Variants in ARHGAP17 observed in about 807,000 individuals in gnomAD.
The protein encoded by ARHGAP17 is Rho GTPase activating protein 17, also known as rho GTPase-activating protein 17.
In ARHGAP17, 57 loss-of-function variants were observed where a neutral mutation model predicts 99.5. The observed-to-expected ratio is 0.57, with a 90% CI of 0.46 to 0.71. The LOEUF is 0.71. Among genes scored for constraint, ARHGAP17 ranks in the 30% least tolerant of loss-of-function variants. ARHGAP17 has a pLI of 0.00. For missense variants in ARHGAP17, 1,000 were observed against 1,122.4 expected (o/e 0.89, Z 1.56); for synonymous variants, 417 against 429.6 (o/e 0.97, Z 0.36).
intron 3 of ARHGAP17, among the ~76,000 whole-genome samples, chr16:24,973,035 C>T (rs1212025830): frequency 6.6e-6 from 1 of 151,792 alleles, no homozygotes; most frequent in African/African-American, 2.4e-5. Flanking sequence ...GGGGTTTTGC[C>T]ATGTTGCACA....
Position 24,935,581 on chromosome 16 carries a change from T to G in ARHGAP17, c.1783A>C (p.Ser595Arg). The part of the protein sequence containing the change: ...AAVPAPGRNN[S>R]QIASGQNQPQ... ...TGATTTTGGCCAGATGCTATCTGAC[T>G]GTTGTTTCTCCCTGGTGCTGGCACA... The change falls in exon 18 of 20, where the codon AGT (serine) becomes CGT (arginine). Residue 595 changes from serine to arginine, a missense_variant. This residue lies in a region of ARHGAP17 where 528 missense variants were observed against 511.4 expected (regional missense o/e 1.03). Coordinates refer to ENST00000289968, the MANE Select transcript of ARHGAP17 (RefSeq NM_001006634.3). The G allele has an allele frequency of 1.2e-6, 2 of 1,614,152 alleles. No homozygotes were observed. Among genetic ancestry groups the G allele is most frequent in the Non-Finnish European group, 8.5e-7 (1 of 1,180,042 alleles).
intron 10 of ARHGAP17, 49 bp downstream of exon 10, chr16:24,954,551 TACA>T (rs2051747202): frequency 6.3e-6 from 10 of 1,577,168 alleles, no homozygotes; most frequent in African/African-American, 1.3e-5. Context: ...GTGCTCTGGG[TACA>T]ACAAGGGGCA....
intron 9 of ARHGAP17, 45 bp downstream of exon 9, chr16:24,959,626 G>A (rs1259434380): frequency 6.3e-7 from 1 of 1,584,138 alleles, no homozygotes; most frequent in South Asian, 1.1e-5. Context: ...AGGCAGAGGT[G>A]GCAGAGGCAA....
chr16:24,985,791 G>C (rs999141293), intron 1 of ARHGAP17, among the ~76,000 whole-genome samples: 2 of 152,064 alleles, frequency 1.3e-5, no homozygotes, highest in African/African-American at 4.8e-5. Context: ...GAGAAGTGCT[G>C]ATTTCAAAGG....
At chr16:24,964,409 C>A in intron 6 of ARHGAP17, 101 bp from the exon 7 acceptor site, 1 of 804,168 alleles carries the variant, frequency 1.2e-6, no homozygotes, top group South Asian at 1.7e-5. Context: ...ACAATTGATT[C>A]TACCTGGAAG....
chr16:24,968,188 C>A (rs1567237584), intron 6 of ARHGAP17, among the ~76,000 whole-genome samples, 163 bp downstream of exon 6: 1 of 152,234 alleles, frequency 6.6e-6, no homozygotes, highest in African/African-American at 2.4e-5. Flanking sequence ...CCCACTGCCA[C>A]GCTTGGGAGA....
intron 1 of ARHGAP17, among the ~76,000 whole-genome samples, chr16:25,010,408 T>C (rs1174583116): frequency 6.6e-6 from 1 of 152,190 alleles, no homozygotes; most frequent in East Asian, 1.9e-4. Context: ...AGAGAAGTTA[T>C]CATTGTCAGG....
chr16:24,961,487 A>C (rs2051996743), intron 7 of ARHGAP17, among the ~76,000 whole-genome samples: 1 of 147,986 alleles, frequency 6.8e-6, no homozygotes, highest in Non-Finnish European at 1.5e-5. Context: ...CAACAGAGCA[A>C]GATCTAGTCT....
At position 24,931,297 on chromosome 16, in the gene ARHGAP17, G is replaced by C. The variant is rs1163723979; in HGVS notation, c.2002C>G (p.Pro668Ala). The C allele has an allele frequency of 6.5e-7, 1 of 1,529,454 alleles. No individual in the cohort carries two copies. Among genetic ancestry groups the C allele is most frequent in the East Asian group, 2.3e-5 (1 of 44,042 alleles). 94.7% of individuals were successfully genotyped at this position (1,529,454 alleles called of 1,614,324 possible). A position where few individuals can be genotyped will look rare whatever the true frequency, so the allele number is the denominator to read the frequency against. Residue 668 changes from proline (P) to alanine (A), a missense_variant, in exon 19 of 20, where the codon CCA becomes GCA. Pro to Ala is a conservative substitution (Grantham distance 27). Transcript: ENST00000289968. ...GAGGGGCTTCGGGTGGGTGGCTTTGGTGACAGACTGGGTGGATGCTGAGAT... is the reference window on the plus strand; with the variant it reads ...GAGGGGCTTCGGGTGGGTGGCTTTGCTGACAGACTGGGTGGATGCTGAGAT... ...GTSQHPPSLS[P>A]KPPTRSPSPP... is the part of the protein sequence containing the mutation.
At chr16:25,007,840 T>C (rs2053547753) in intron 1 of ARHGAP17, among the ~76,000 whole-genome samples, 1 of 152,108 alleles carries the variant, frequency 6.6e-6, no homozygotes, top group Non-Finnish European at 1.5e-5. Context: ...CATTCTGGAG[T>C]ATCATCAAAA....
At chr16:24,933,277 T>A (rs1567210882) in intron 18 of ARHGAP17, among the ~76,000 whole-genome samples, 1 of 151,588 alleles carries the variant, frequency 6.6e-6, no homozygotes, top group Non-Finnish European at 1.5e-5. Context: ...GGCAGGAAGA[T>A]CACTCAAGAC....
chr16:24,997,331 C>A (rs1366821047), intron 1 of ARHGAP17, among the ~76,000 whole-genome samples: 1 of 152,026 alleles, frequency 6.6e-6, no homozygotes, highest in Non-Finnish European at 1.5e-5. Context: ...GCCCAGTACA[C>A]ACCCGGACAC....
At chr16:24,946,946 C>G (rs1385162228) in intron 14 of ARHGAP17, among the ~76,000 whole-genome samples, 1 of 152,206 alleles carries the variant, frequency 6.6e-6, no homozygotes, top group Non-Finnish European at 1.5e-5. Context: ...GCTTCAAATT[C>G]ATCATAATAT....
chr16:24,940,553 T>G (rs950488097), intron 16 of ARHGAP17, among the ~76,000 whole-genome samples: 7 of 152,078 alleles, frequency 4.6e-5, no homozygotes, highest in African/African-American at 1.7e-4. Flanking sequence ...TTTAGAAAAT[T>G]AGCTGCGTGA....
chr16:24,948,204 CTGT>C (rs1302131442), intron 13 of ARHGAP17, among the ~76,000 whole-genome samples: 1 of 152,082 alleles, frequency 6.6e-6, no homozygotes, highest in African/African-American at 2.4e-5. Flanking sequence ...ATACCTTAAG[CTGT>C]CAAGCAAAAA....
chr16:24,993,414 C>A (rs556426648), intron 1 of ARHGAP17, among the ~76,000 whole-genome samples: 1 of 151,968 alleles, frequency 6.6e-6, no homozygotes, highest in Admixed American at 6.6e-5. Context: ...GGTGAAACCC[C>A]ATTTCTACTA....
chr16:24,941,306 T>A (rs1335232750), intron 16 of ARHGAP17, among the ~76,000 whole-genome samples: 1 of 152,212 alleles, frequency 6.6e-6, no homozygotes, highest in Admixed American at 6.5e-5. Flanking sequence ...ACTGTTAGCA[T>A]TCCTAGTGAG....
chr16:24,953,922 C>T (rs558481719), intron 10 of ARHGAP17, among the ~76,000 whole-genome samples: 8 of 152,184 alleles, frequency 5.3e-5, no homozygotes, highest in African/African-American at 1.7e-4. Flanking sequence ...CCGGGATGTT[C>T]TTTGATCTGA....
chr16:24,981,956 A>C (rs972493733), intron 1 of ARHGAP17, among the ~76,000 whole-genome samples: 1 of 152,202 alleles, frequency 6.6e-6, no homozygotes, highest in African/African-American at 2.4e-5. Context: ...AAAGGTCTGG[A>C]GGCTGAAAAC....
Sources: gnomAD v4.1 joint callset for allele counts (sites outside exome capture counted in the v4.1 genomes callset) on GRCh38, gnomAD v4.1.1 for gene constraint, gnomAD v4.1.1 regional missense constraint, MANE v1.5 for transcripts, NCBI Gene and HGNC (gene_info 2026-07-23, HGNC 2026-07-21) for gene names.